FAAP24: variants seen among roughly 807,000 people sequenced by gnomAD.
FAAP24 encodes Fanconi anemia core complex-associated protein 24.
In FAAP24, 16 loss-of-function variants were observed where a neutral mutation model predicts 14.3. That is an observed-to-expected ratio of 1.12 (90% confidence interval 0.76 to 1.69). The LOEUF is 1.69. Among genes scored for constraint, FAAP24 ranks in the 40% most tolerant of loss-of-function variants. FAAP24 has a pLI of 0.00. For synonymous variants in FAAP24, 111 were observed against 106.2 expected, an observed-to-expected ratio of 1.04 and a Z score of -0.28; for missense variants, 234 against 262.7, an observed-to-expected ratio of 0.89 and a Z score of 0.75.
chr19:32,973,489 G>T lies in FAAP24; in HGVS notation c.170G>T (p.Cys57Phe). ...TPDFYLSNRC[C>F]ILYVTEADLV... ...GACTTTTATCTGTCGAACAGATGCT[G>T]CATTCTTTATGTCACCGAAGCTGAT... Residue 57 changes from cysteine (C) to phenylalanine (F), a missense_variant, in exon 3 of 5, where the codon TGC becomes TTC. Cys to Phe is a radical substitution (Grantham distance 205). Coordinates refer to ENST00000588258, the MANE Select transcript of FAAP24 (RefSeq NM_152266.5). 2.1e-5 allele frequency: 34 copies of T among 1,614,230 alleles called. No homozygotes were observed. The highest frequency in any genetic ancestry group is 2.9e-5 in the Non-Finnish European group (34 of 1,180,036).
At position 32,974,082 on chromosome 19, in the gene FAAP24, T is replaced by C. The variant is rs1484327960; in HGVS notation, c.266T>C (p.Val89Ala). ...VRNSNNLKGI[V>A]VVEKTRMSEQ... Reference sequence around the variant, plus strand: ...AAGTCCAATAATCTTAAAGGAATTGTAGTCGTTGAAAAAACCCGGATGAGT... The same window carrying C: ...AAGTCCAATAATCTTAAAGGAATTGCAGTCGTTGAAAAAACCCGGATGAGT... Residue 89 changes from valine to alanine, a missense_variant, in exon 4 of 5, where the codon GTA becomes GCA. Physicochemically the swap from Val to Ala is moderately conservative, Grantham distance 64 (BLOSUM62 0). Coordinates refer to ENST00000588258, the MANE Select transcript of FAAP24 (RefSeq NM_152266.5). The C allele has an allele frequency of 6.2e-7, 1 of 1,613,932 alleles. No individual in the cohort carries two copies. The highest frequency in any genetic ancestry group is 8.5e-7 in the Non-Finnish European group (1 of 1,180,010).
Position 32,973,392 on chromosome 19 carries a change from C to T in FAAP24, c.107-34C>T, listed in dbSNP as rs1172566829. 4 of 1,608,882 alleles carry T rather than the reference C, an allele frequency of 2.5e-6. No individual in the cohort carries two copies. The African/African-American group carries it at 5.4e-5, about 22-fold the overall frequency. ...ATTATTGCCATCTTTTCATCCAAAG[C>T]TTATGGAACTCATTTTCTTCTCTGT... On this transcript the variant is annotated intron_variant, in intron 2 of 4. Coordinates refer to ENST00000588258, the MANE Select transcript of FAAP24 (RefSeq NM_152266.5).
chr19:32,973,164 C>T lies in FAAP24; in HGVS notation c.-13-20C>T. The T allele has an allele frequency of 6.2e-7, 1 of 1,603,664 alleles. No individual in the cohort carries two copies. The highest frequency in any genetic ancestry group is 8.5e-7 in the Non-Finnish European group (1 of 1,172,966). On this transcript the variant is annotated intron_variant, in intron 1 of 4. Coordinates refer to ENST00000588258, the MANE Select transcript of FAAP24 (RefSeq NM_152266.5). ...TGCAGGAGAGCCTGCTCAAGTGCCG[C>T]CTGGCTTTTCCCTCCTTAGGTGGAG...
At chr19:32,973,100 C>A in intron 1 of FAAP24, 84 bp from the exon 2 acceptor site, 1 of 963,174 alleles carries the variant, frequency 1.0e-6, no homozygotes, top group South Asian at 1.5e-5. Flanking sequence ...GGGGATCCTG[C>A]CCCAGAGGCC....
At chr19:32,975,330 C>T (rs147942569) in intron 4 of FAAP24, among the ~76,000 whole-genome samples, 4,035 of 151,476 alleles carry the variant, frequency 0.027, 186 homozygotes, top group African/African-American at 0.093. Context: ...CCACCATGCC[C>T]GGCTAATTTT....
chr19:32,974,032 A>G (rs777771457), intron 3 of FAAP24, 28 bp from the exon 4 acceptor site: 8 of 1,612,858 alleles, frequency 5.0e-6, no homozygotes, highest in Non-Finnish European at 6.8e-6. Flanking sequence ...TGGTTGCAAA[A>G]TGACTTACTG....
rs370271093 is a variant in FAAP24, at chr19:32,976,828, A to G, written c.*146A>G. 18 of 1,040,176 alleles carry G rather than the reference A, an allele frequency of 1.7e-5. No individual in the cohort carries two copies. In the African/African-American group the frequency reaches 1.8e-4, roughly 10 times the overall value. The allele number at this position is 1,040,176 out of a possible 1,614,324, so 64.4% of individuals were successfully genotyped here. On this transcript the variant is annotated 3_prime_UTR_variant, in exon 5 of 5. Coordinates refer to ENST00000588258, the MANE Select transcript of FAAP24 (RefSeq NM_152266.5). ...TTTGGGAGGCCGAAGACAGCGGATC[A>G]TCTGAGGTCAGGAGTTCAAGACCAG...
In FAAP24 at chr19:32,976,456, G is replaced by T. The variant is rs1036914455; in HGVS notation, c.422G>T (p.Ser141Ile). ...QLVQEQTKEP[S>I]KNPLLGKKRA... ...GTTCAAGAGCAAACCAAAGAGCCCA[G>T]TAAGAACCCTCTTCTCGGGAAGAAA... Residue 141 changes from serine (S) to isoleucine (I), a missense_variant, in exon 5 of 5, where the codon AGT becomes ATT. Coordinates refer to ENST00000588258, the MANE Select transcript of FAAP24 (RefSeq NM_152266.5). 1 of 1,614,198 alleles carries T rather than the reference G, an allele frequency of 6.2e-7. No individual in the cohort carries two copies. The highest frequency in any genetic ancestry group is 8.5e-7 in the Non-Finnish European group (1 of 1,180,022).
rs1402463488 is a variant in FAAP24, at chr19:32,977,544, TGGCAGATGTACAGTTTG to T, written c.*863_*879del. 411 of 398,186 alleles carry T rather than the reference TGGCAGATGTACAGTTTG, an allele frequency of 1.0e-3. No individual in the cohort carries two copies. The highest frequency in any genetic ancestry group is 8.1e-3 in the African/African-American group (397 of 48,726). 24.7% of individuals were successfully genotyped at this position (398,186 alleles called of 1,614,324 possible). On this transcript the variant is annotated 3_prime_UTR_variant, in exon 5 of 5. Coordinates refer to ENST00000588258, the MANE Select transcript of FAAP24 (RefSeq NM_152266.5). ...CCTCCCTCCCCCCGGCCTTTTTTTTTGGCAGATGTACAGTTTGTTTATAATCACTGCATATGTCTTCT... is the reference window on the plus strand; with the variant it reads ...CCTCCCTCCCCCCGGCCTTTTTTTTTTTTATAATCACTGCATATGTCTTCT...
Position 32,976,534 on chromosome 19 carries a change from C to T in FAAP24, c.500C>T (p.Pro167Leu), listed in dbSNP as rs1971519967. 1 of 1,614,032 alleles carries T rather than the reference C, an allele frequency of 6.2e-7. No homozygotes were observed. Among genetic ancestry groups the T allele is most frequent in the Non-Finnish European group, 8.5e-7 (1 of 1,180,046 alleles). ...PSLLRTVQQI[P>L]GVGKVKAPLL... ...CTCCTTCGAACCGTGCAGCAGATCC[C>T]AGGAGTTGGAAAAGTTAAAGCTCCC... is the stretch of plus-strand genomic sequence containing the variant. The change falls in exon 5 of 5, where the codon CCA (proline) becomes CTA (leucine). Residue 167 changes from proline (P) to leucine (L), a missense_variant. Coordinates refer to ENST00000588258, the MANE Select transcript of FAAP24 (RefSeq NM_152266.5).
In FAAP24 at chr19:32,974,678, G is replaced by A. The variant is rs561860680; in HGVS notation, c.396+466G>A. ...GGGTGCATGTAATCCCAGCTACTCC[G>A]GAGGCTGAGGCAGGAGAATCACCTG... is the stretch of plus-strand genomic sequence containing the variant. On this transcript the variant is annotated intron_variant, in intron 4 of 4. Coordinates refer to ENST00000588258, the MANE Select transcript of FAAP24 (RefSeq NM_152266.5). Among the ~76,000 whole-genome samples, 14 of 152,112 alleles carry A rather than the reference G, an allele frequency of 9.2e-5. No homozygotes were observed. The East Asian group carries it at 2.3e-3, about 25-fold the overall frequency.
chr19:32,974,601 T>C (rs543739856), intron 4 of FAAP24, among the ~76,000 whole-genome samples: 2 of 152,048 alleles, frequency 1.3e-5, no homozygotes, highest in Admixed American at 1.3e-4. Context: ...CTGGCCAACA[T>C]GGCAAAACCC....
chr19:32,973,395 A>T (rs1207175127), intron 2 of FAAP24, 31 bp from the exon 3 acceptor site: 2 of 1,609,578 alleles, frequency 1.2e-6, no homozygotes, highest in South Asian at 2.2e-5. Context: ...TCCAAAGCTT[A>T]TGGAACTCAT....
At chr19:32,973,804 G>A (rs918621662) in intron 3 of FAAP24, among the ~76,000 whole-genome samples, 1 of 152,190 alleles carries the variant, frequency 6.6e-6, no homozygotes, top group Non-Finnish European at 1.5e-5. Context: ...GTAGTGAGCC[G>A]AGATCACGCC....
At chr19:32,976,163 C>G (rs1971513538) in intron 4 of FAAP24, among the ~76,000 whole-genome samples, 1 of 152,230 alleles carries the variant, frequency 6.6e-6, no homozygotes, top group Admixed American at 6.5e-5. Flanking sequence ...AATGGACCAA[C>G]AGAAAGTGTT....
chr19:32,975,569 C>T (rs1971506156), intron 4 of FAAP24, among the ~76,000 whole-genome samples: 1 of 151,162 alleles, frequency 6.6e-6, no homozygotes, highest in African/African-American at 2.4e-5. Flanking sequence ...AAGTGATTCT[C>T]CTGCCTCAGC....
chr19:32,973,980 G>A, intron 3 of FAAP24, 80 bp from the exon 4 acceptor site: 1 of 1,393,738 alleles, frequency 7.2e-7, no homozygotes, highest in Non-Finnish European at 1.0e-6. Flanking sequence ...CATTGGCCAG[G>A]TCAGGCACGA....
In FAAP24 at chr19:32,972,320, G is replaced by C. The variant is rs758471344; in HGVS notation, c.-40G>C. The C allele has an allele frequency of 6.4e-5, 27 of 420,228 alleles. No homozygotes were observed. Among genetic ancestry groups the C allele is most frequent in the Non-Finnish European group, 1.1e-4 (25 of 236,782 alleles). The allele number at this position is 420,228 out of a possible 1,614,324, so 26.0% of individuals were successfully genotyped here. On this transcript the variant is annotated 5_prime_UTR_variant, in exon 1 of 5. Transcript: ENST00000588258. Reference sequence around the variant, plus strand: ...GTGGGGTTCCTGCCGGCTGTATTCGGGCCTTGGACTGGACTGAGAAGCTAC... The same window carrying C: ...GTGGGGTTCCTGCCGGCTGTATTCGCGCCTTGGACTGGACTGAGAAGCTAC...
chr19:32,977,534 C>G lies in FAAP24; in HGVS notation c.*852C>G. 2.5e-6 allele frequency: 1 copy of G among 398,304 alleles called. No homozygotes were observed. Among genetic ancestry groups the G allele is most frequent in the Non-Finnish European group, 4.4e-6 (1 of 226,050 alleles). 24.7% of individuals were successfully genotyped at this position (398,304 alleles called of 1,614,324 possible). A position where few individuals can be genotyped will look rare whatever the true frequency, so the allele number is the denominator to read the frequency against. On this transcript the variant is annotated 3_prime_UTR_variant, in exon 5 of 5. Coordinates refer to ENST00000588258, the MANE Select transcript of FAAP24 (RefSeq NM_152266.5). ...TTCCTTTGTTCCTCCCTCCCCCCGG[C>G]CTTTTTTTTTGGCAGATGTACAGTT...
Sources: gnomAD v4.1 joint callset for allele counts (sites outside exome capture counted in the v4.1 genomes callset) on GRCh38, gnomAD v4.1.1 for gene constraint, MANE v1.5 for transcripts, NCBI Gene and HGNC (gene_info 2026-07-23, HGNC 2026-07-21) for gene names.